PEPD: variants seen among roughly 807,000 people sequenced by gnomAD.
PEPD encodes peptidase D.
Under a neutral mutation model 60.7 loss-of-function variants are expected in PEPD, and 53 were observed. That is an observed-to-expected ratio of 0.87 (90% CI 0.70 to 1.10). The LOEUF is 1.10. Ranked by LOEUF, PEPD falls within the 50% of genes least tolerant of loss-of-function variation. PEPD has a pLI of 0.00. For missense variants in PEPD, 711 were observed against 711.9 expected (o/e 1.00, Z 0.01); for synonymous variants, 267 against 284.1 (o/e 0.94, Z 0.60).
At chr19:33,411,803 G>A in intron 10 of PEPD, 54 bp from the exon 11 acceptor site, 3 of 1,090,676 alleles carry the variant, frequency 2.8e-6, no homozygotes, top group Non-Finnish European at 2.8e-6. Flanking sequence ...AGCAGGCTCT[G>A]AAGGAGGGGG....
At chr19:33,476,350 C>T (rs999241040) in intron 7 of PEPD, among the ~76,000 whole-genome samples, 9 of 152,182 alleles carry the variant, frequency 5.9e-5, no homozygotes, top group African/African-American at 2.2e-4. Context: ...GCACCTACCT[C>T]AGACTCAACA....
chr19:33,506,344 C>T lies in PEPD; in HGVS notation c.329+4684G>A, dbSNP rs1440685887. Among the ~76,000 whole-genome samples the T allele has an allele frequency of 4.8e-5, 7 of 145,516 alleles. No individual in the cohort carries two copies. In the East Asian group the frequency reaches 1.5e-3, roughly 31 times the overall value. On this transcript the variant is annotated intron_variant, in intron 3 of 14. Transcript: ENST00000244137. ...ACACTACACACACACCCACACACAA[C>T]ACAGGACACTCACACCCACCACACC...
At position 33,393,870 on chromosome 19, in the gene PEPD, C is replaced by T. The variant is rs945757663; in HGVS notation, c.968-2391G>A. ...GCACACAGGCCGTTTTACCTCAGGC[C>T]CTTTGCTATGGCCTGTGCCAGGCCT... is the stretch of plus-strand genomic sequence containing the variant. On this transcript the variant is annotated intron_variant, in intron 12 of 14. Coordinates refer to ENST00000244137, the MANE Select transcript of PEPD (RefSeq NM_000285.4). Among the ~76,000 whole-genome samples, 3 of 152,260 alleles carry T rather than the reference C, an allele frequency of 2.0e-5. No individual in the cohort carries two copies. The East Asian group carries it at 5.8e-4, about 29-fold the overall frequency.
At chr19:33,474,762 C>G (rs886998056) in intron 7 of PEPD, among the ~76,000 whole-genome samples, 2 of 152,056 alleles carry the variant, frequency 1.3e-5, no homozygotes, top group Admixed American at 6.5e-5. Flanking sequence ...AGGAGGATCT[C>G]TTAAGGCCAG....
At chr19:33,411,369 G>T (rs1458817097) in intron 11 of PEPD, among the ~76,000 whole-genome samples, 2 of 152,224 alleles carry the variant, frequency 1.3e-5, no homozygotes, top group African/African-American at 4.8e-5. Context: ...CTGGACAGAG[G>T]CTGGGGATGG....
intron 9 of PEPD, among the ~76,000 whole-genome samples, chr19:33,462,540 C>T (rs956704494): frequency 5.9e-5 from 9 of 152,228 alleles, no homozygotes; most frequent in African/African-American, 2.2e-4. Flanking sequence ...CTCGCTGCAG[C>T]CCTAATAGGA....
chr19:33,400,025 A>C (rs7248995), intron 12 of PEPD, among the ~76,000 whole-genome samples: 9,645 of 151,914 alleles, frequency 0.063, 929 homozygotes, highest in African/African-American at 0.21. Flanking sequence ...TGCATCCTGG[A>C]CTCTGAAGCC....
intron 11 of PEPD, among the ~76,000 whole-genome samples, chr19:33,410,882 C>A (rs1206953935): frequency 6.6e-6 from 1 of 152,112 alleles, no homozygotes; most frequent in African/African-American, 2.4e-5. Flanking sequence ...ACTGCCTGGG[C>A]TGGCCCTGGC....
chr19:33,473,658 C>A (rs1218612450), intron 7 of PEPD, among the ~76,000 whole-genome samples: 2 of 152,224 alleles, frequency 1.3e-5, no homozygotes, highest in Non-Finnish European at 2.9e-5. Flanking sequence ...GGTATGAAAG[C>A]ATCTCCTTTT....
chr19:33,405,424 C>T (rs754622845), intron 11 of PEPD, among the ~76,000 whole-genome samples: 3 of 152,260 alleles, frequency 2.0e-5, no homozygotes, highest in East Asian at 1.9e-4. Context: ...ACAGTTTACA[C>T]GCGCTCATAT....
chr19:33,421,064 C>T (rs930204512), intron 9 of PEPD, among the ~76,000 whole-genome samples: 5 of 152,200 alleles, frequency 3.3e-5, no homozygotes, highest in African/African-American at 7.2e-5. Flanking sequence ...TGTTCTACTG[C>T]GGGGGTGGGC....
intron 7 of PEPD, among the ~76,000 whole-genome samples, chr19:33,476,884 C>T (rs1440554607): frequency 6.6e-6 from 1 of 152,022 alleles, no homozygotes; most frequent in African/African-American, 2.4e-5. Context: ...AGGATGGTCT[C>T]GATCTCCTGA....
chr19:33,517,649 C>T (rs1346475026), intron 1 of PEPD, among the ~76,000 whole-genome samples: 3 of 151,518 alleles, frequency 2.0e-5, no homozygotes, highest in African/African-American at 7.3e-5. Context: ...ACCGCACAGA[C>T]AAGGAAAGAT....
At chr19:33,446,569 G>C (rs1306081518) in intron 9 of PEPD, among the ~76,000 whole-genome samples, 2 of 152,210 alleles carry the variant, frequency 1.3e-5, no homozygotes, top group Non-Finnish European at 2.9e-5. Flanking sequence ...GCACAGGGTG[G>C]CCGAGAGCCC....
chr19:33,452,516 A>C (rs555936568), intron 9 of PEPD, among the ~76,000 whole-genome samples: 1 of 152,156 alleles, frequency 6.6e-6, no homozygotes, highest in African/African-American at 2.4e-5. Flanking sequence ...TGATTTTATG[A>C]AAAGGCCAAT....
chr19:33,493,345 G>A lies in PEPD; in HGVS notation c.394-8C>T, dbSNP rs964351941. The A allele has an allele frequency of 3.7e-6, 6 of 1,611,566 alleles. No individual in the cohort carries two copies. In the Middle Eastern group the frequency reaches 6.6e-4, roughly 177 times the overall value. On this transcript the variant is annotated splice_region_variant and splice_polypyrimidine_tract_variant and intron_variant, in intron 4 of 14. Transcript: ENST00000244137. ...CGTCAGGACGCTGGCAATCTAGAAG[G>A]TCGGAAAGAAAAACCCACTTTAGAG...
At chr19:33,467,291 ATTCCTTAG>A (rs1197054141) in intron 7 of PEPD, among the ~76,000 whole-genome samples, 2 of 151,910 alleles carry the variant, frequency 1.3e-5, no homozygotes. Flanking sequence ...GCCCTGATAC[ATTCCTTAG>A]TTCTGCATAG....
intron 9 of PEPD, among the ~76,000 whole-genome samples, chr19:33,415,831 G>A (rs753306044): frequency 2.7e-4 from 41 of 152,212 alleles, no homozygotes; most frequent in Admixed American, 2.4e-3. Flanking sequence ...AGCACCACGT[G>A]CTGGATATTC....
rs561611888 is a variant in PEPD at position 33,388,050 on chromosome 19, C to T, written c.1184G>A (p.Arg395Gln). Reference protein sequence around the residue: ...GVERIDEPGLRSLRTARHLQP... With the variant: ...GVERIDEPGLQSLRTARHLQP... ...CAGGTGCCGTGCAGTGCGCAGGCTCCGCAGGCCGGGCTCGTCGATGCGCTC... is the reference window on the plus strand; with the variant it reads ...CAGGTGCCGTGCAGTGCGCAGGCTCTGCAGGCCGGGCTCGTCGATGCGCTC... Residue 395 changes from arginine to glutamine, a missense_variant, in exon 14 of 15, where the codon CGG becomes CAG. By Grantham distance (43) the Arg-to-Gln change is conservative. Coordinates refer to ENST00000244137, the MANE Select transcript of PEPD (RefSeq NM_000285.4). 91 of 1,556,344 alleles carry T rather than the reference C, an allele frequency of 5.8e-5. No individual in the cohort carries two copies. The East Asian group carries it at 7.7e-4, about 13-fold the overall frequency.
Sources: allele counts gnomAD v4.1 joint callset (sites outside exome capture counted in the v4.1 genomes callset), GRCh38; gene constraint gnomAD v4.1.1; transcripts MANE v1.5; gene names NCBI Gene and HGNC (gene_info 2026-07-23, HGNC 2026-07-21).